LINS1: variants seen among roughly 807,000 people sequenced by gnomAD.
The protein encoded by LINS1 is lines homolog 1.
A neutral mutation model predicts 41.6 loss-of-function variants in LINS1; 27 were observed. The ratio of observed to expected loss-of-function variants is 0.65; its 90% CI spans 0.48 to 0.89. The LOEUF is 0.89. Ranked by LOEUF, LINS1 falls within the 40% of genes least tolerant of loss-of-function variation. LINS1 has a pLI of 0.00. For missense variants in LINS1, 955 were observed against 884.1 expected, an observed-to-expected ratio of 1.08 and a Z score of -1.02; for synonymous variants, 336 against 312.9, an observed-to-expected ratio of 1.07 and a Z score of -0.78.
chr15:100,578,394 C>CA (rs1334303620), intron 3 of LINS1, among the ~76,000 whole-genome samples: 1 of 152,046 alleles, frequency 6.6e-6, no homozygotes, highest in East Asian at 1.9e-4. Flanking sequence ...CAAAAGAAGA[C>CA]ATTTATGCAG....
At chr15:100,601,300 C>G (rs1567106711) in intron 1 of LINS1, among the ~76,000 whole-genome samples, 1 of 152,152 alleles carries the variant, frequency 6.6e-6, no homozygotes, top group Non-Finnish European at 1.5e-5. Context: ...GACTGACGGA[C>G]CACGAGACAG....
intron 3 of LINS1, among the ~76,000 whole-genome samples, chr15:100,577,950 C>G (rs2038286853): frequency 6.6e-6 from 1 of 152,150 alleles, no homozygotes; most frequent in Non-Finnish European, 1.5e-5. Context: ...ACAAATGGTG[C>G]TGGGAAAACT....
intron 1 of LINS1, among the ~76,000 whole-genome samples, chr15:100,595,407 T>C (rs2141357878): frequency 6.6e-6 from 1 of 151,942 alleles, no homozygotes; most frequent in Middle Eastern, 3.4e-3. Context: ...GATATAAAGA[T>C]GGCAAATAAT....
chr15:100,571,310 C>T (rs1375038576), intron 6 of LINS1, among the ~76,000 whole-genome samples: 3 of 152,164 alleles, frequency 2.0e-5, no homozygotes, highest in East Asian at 1.9e-4. Flanking sequence ...AAAAGGTCAT[C>T]GGTTATTAGC....
At chr15:100,591,212 T>G (rs573839568) in intron 1 of LINS1, among the ~76,000 whole-genome samples, 1 of 152,280 alleles carries the variant, frequency 6.6e-6, no homozygotes, top group South Asian at 2.1e-4. Context: ...AATAATAGTT[T>G]CCCTTGTGTG....
intron 1 of LINS1, among the ~76,000 whole-genome samples, chr15:100,591,494 G>C (rs2039035199): frequency 6.6e-6 from 1 of 152,144 alleles, no homozygotes; most frequent in Non-Finnish European, 1.5e-5. Context: ...CCATTGTTTT[G>C]GACTGAACTC....
At position 100,571,920 on chromosome 15, in the gene LINS1, T is replaced by C. The variant is rs200062768; in HGVS notation, c.1368A>G (p.Ser456=). The change falls in exon 6 of 7, where the codon TCA becomes TCG. Residue 456 remains serine, a synonymous_variant. Coordinates refer to ENST00000314742, the MANE Select transcript of LINS1 (RefSeq NM_001040616.3). ...TGGTCAGTGTTAAGTAGATGCCCAG[T>C]GATGCCTTGGCAGCCTCCAGCATGT... The part of the protein sequence containing the change: ...DDDMLEAAKA[S]LGIYLTLTRG... 2 of 1,614,236 alleles carry C rather than the reference T, an allele frequency of 1.2e-6. No individual in the cohort carries two copies. Among genetic ancestry groups the C allele is most frequent in the Non-Finnish European group, 1.7e-6 (2 of 1,180,036 alleles).
rs546370451 is a variant in LINS1, at chr15:100,596,694, A to G, written c.-104+5427T>C. The stretch of plus-strand genomic sequence containing the variant: ...AAAATCAAGCTGCAAGCATAGATAC[A>G]CAAGTAAAAGCTTGCATAGGTGAAT... On this transcript the variant is annotated intron_variant, in intron 1 of 6. Coordinates refer to ENST00000314742, the MANE Select transcript of LINS1 (RefSeq NM_001040616.3). Among the ~76,000 whole-genome samples, 5 of 152,320 alleles carry G rather than the reference A, an allele frequency of 3.3e-5. No homozygotes were observed. In the East Asian group the frequency reaches 9.6e-4, roughly 29 times the overall value.
At chr15:100,580,989 T>A (rs2038516003) in intron 1 of LINS1, 44 bp from the exon 2 acceptor site, 1 of 679,186 alleles carries the variant, frequency 1.5e-6, no homozygotes, top group African/African-American at 1.8e-5. Flanking sequence ...TGCTATATGC[T>A]TATTACAAGA....
intron 4 of LINS1, among the ~76,000 whole-genome samples, chr15:100,574,485 A>G (rs2038039037): frequency 2.0e-5 from 3 of 152,226 alleles, no homozygotes; most frequent in Admixed American, 2.0e-4. Context: ...ATGCGGGTGG[A>G]TCACTTGAGG....
intron 3 of LINS1, 38 bp downstream of exon 3, chr15:100,580,225 A>G (rs1411990764): frequency 6.3e-6 from 9 of 1,428,552 alleles, no homozygotes; most frequent in African/African-American, 4.3e-5. Context: ...AAAAATTAAG[A>G]AAGAGAAATA....
At chr15:100,600,105 G>A (rs2039415542) in intron 1 of LINS1, among the ~76,000 whole-genome samples, 1 of 152,152 alleles carries the variant, frequency 6.6e-6, no homozygotes, top group South Asian at 2.1e-4. Context: ...ATTTAAAGAT[G>A]TAAATGGCTT....
chr15:100,581,044 G>A (rs1424192605), intron 1 of LINS1, 99 bp from the exon 2 acceptor site: 1 of 519,850 alleles, frequency 1.9e-6, no homozygotes, highest in Non-Finnish European at 3.4e-6. Flanking sequence ...TCAAGTTAAA[G>A]GGGATGCTGA....
Position 100,569,637 on chromosome 15 carries a change from A to G in LINS1, c.1875T>C (p.Ser625=). Reference sequence around the variant, plus strand: ...CGTCAGAGCTGTCGTAATCTACCAGACTTTGAGAGGCCCGGGGGGAAGACA... The same window carrying G: ...CGTCAGAGCTGTCGTAATCTACCAGGCTTTGAGAGGCCCGGGGGGAAGACA... ...SSLSSPRASQ[S]LVDYDSSDDS... is the part of the protein sequence containing the mutation. The change falls in exon 7 of 7, where the codon AGT becomes AGC. Residue 625 remains serine (S), a synonymous_variant. Transcript: ENST00000314742. 6.2e-7 allele frequency: 1 copy of G among 1,613,134 alleles called. No homozygotes were observed. Among genetic ancestry groups the G allele is most frequent in the Non-Finnish European group, 8.5e-7 (1 of 1,179,266 alleles).
intron 4 of LINS1, 91 bp from the exon 5 acceptor site, chr15:100,574,332 G>A (rs1222556219): frequency 1.1e-6 from 1 of 875,968 alleles, no homozygotes; most frequent in East Asian, 2.6e-5. Flanking sequence ...CACTTTTTAA[G>A]ATGAAAAAAC....
At chr15:100,570,247 G>GA in intron 6 of LINS1, 130 bp from the exon 7 acceptor site, 1 of 736,116 alleles carries the variant, frequency 1.4e-6, no homozygotes, top group Non-Finnish European at 2.1e-6. Context: ...CTTCTTAAAA[G>GA]AAAAAATTTC....
In LINS1 at chr15:100,569,136, A is replaced by AG. The variant is rs1555542479; in HGVS notation, c.*101_*102insC. On this transcript the variant is annotated 3_prime_UTR_variant, in exon 7 of 7. Transcript: ENST00000314742. Reference sequence around the variant, plus strand: ...AGATTCTGTCTCAAAAAAAAAAAAAAAAAAGAAAACCCTTTTATGGTGATG... The same window carrying AG: ...AGATTCTGTCTCAAAAAAAAAAAAAAGAAAAGAAAACCCTTTTATGGTGATG... The AG allele has an allele frequency of 1.9e-4, 153 of 802,776 alleles. No homozygotes were observed. The highest frequency in any genetic ancestry group is 3.9e-4 in the Admixed American group (14 of 35,876). 49.7% of individuals were successfully genotyped at this position (802,776 alleles called of 1,614,324 possible). A position where few individuals can be genotyped will look rare whatever the true frequency, so the allele number is the denominator to read the frequency against.
intron 3 of LINS1, among the ~76,000 whole-genome samples, chr15:100,579,854 A>G (rs1338035000): frequency 2.6e-5 from 4 of 152,174 alleles, no homozygotes; most frequent in African/African-American, 9.7e-5. Flanking sequence ...ATCTGCAGAA[A>G]GTTATGGAGT....
chr15:100,569,265 T>C lies in LINS1; in HGVS notation c.2247A>G (p.Ile749Met). 14 of 1,602,606 alleles carry C rather than the reference T, an allele frequency of 8.7e-6. No individual in the cohort carries two copies. The highest frequency in any genetic ancestry group is 1.2e-5 in the Non-Finnish European group (14 of 1,169,698). Residue 749 changes from isoleucine (I) to methionine (M), a missense_variant, in exon 7 of 7, where the codon ATA becomes ATG. Coordinates refer to ENST00000314742, the MANE Select transcript of LINS1 (RefSeq NM_001040616.3). ...ACAAAGTGTTCATAGTTTTATTACT[T>C]ATCACCTCTATGTATTTTAACAACT... ...LLKLLKYIEV[I>M]SNKTMNTL
Sources: gnomAD v4.1 joint callset for allele counts (sites outside exome capture counted in the v4.1 genomes callset) on GRCh38, gnomAD v4.1.1 for gene constraint, MANE v1.5 for transcripts, NCBI Gene and HGNC (gene_info 2026-07-23, HGNC 2026-07-21) for gene names.